Variants in FAM118A observed in about 807,000 individuals in gnomAD.
The protein encoded by FAM118A is protein FAM118A.
Under a neutral mutation model 38.2 loss-of-function variants are expected in FAM118A, and 25 were observed. The observed-to-expected ratio is 0.65, with a 90% CI of 0.48 to 0.91. FAM118A has a LOEUF of 0.91. Among genes scored for constraint, FAM118A ranks in the 40% least tolerant of loss-of-function variants. The pLI is 0.00. For missense variants in FAM118A, 425 were observed against 463.3 expected (o/e 0.92, Z 0.76); for synonymous variants, 178 against 184.1 (o/e 0.97, Z 0.27).
At chr22:45,324,772 C>T (rs774770345) in intron 3 of FAM118A, among the ~76,000 whole-genome samples, 1 of 152,140 alleles carries the variant, frequency 6.6e-6, no homozygotes, top group Admixed American at 6.5e-5. Flanking sequence ...GAGGCAGGGG[C>T]GCGGTGGCTC....
chr22:45,336,366 G>C lies in FAM118A; in HGVS notation c.1009G>C (p.Glu337Gln). The C allele has an allele frequency of 6.2e-7, 1 of 1,613,994 alleles. No individual in the cohort carries two copies. Among genetic ancestry groups the C allele is most frequent in the Non-Finnish European group, 8.5e-7 (1 of 1,179,862 alleles). The change falls in exon 8 of 9, where the codon GAG becomes CAG. Residue 337 changes from glutamate (E) to glutamine (Q), a missense_variant. By Grantham distance (29) the Glu-to-Gln change is conservative. Transcript: ENST00000441876. ...GGACTGTGCAAAGAGGAAGTTAGAA[G>C]AGAATGGAATTGAAGTTTCAAAAAA... ...CQDCAKRKLEENGIEVSKKRT... is the reference protein window; with the variant it reads ...CQDCAKRKLEQNGIEVSKKRT...
intron 3 of FAM118A, among the ~76,000 whole-genome samples, chr22:45,326,795 A>G (rs1052313685): frequency 1.4e-5 from 2 of 145,690 alleles, no homozygotes; most frequent in African/African-American, 5.2e-5. Flanking sequence ...ACTGCATTTC[A>G]TCCTGGGTGA....
chr22:45,314,698 C>T (rs2084528377), intron 1 of FAM118A, among the ~76,000 whole-genome samples: 1 of 152,202 alleles, frequency 6.6e-6, no homozygotes, highest in African/African-American at 2.4e-5. Context: ...GGGGTAAAGG[C>T]AGGTGGGTCC....
chr22:45,316,909 G>C (rs2084632535), intron 1 of FAM118A, among the ~76,000 whole-genome samples: 1 of 152,176 alleles, frequency 6.6e-6, no homozygotes, highest in Admixed American at 6.5e-5. Context: ...TGAGCATTCG[G>C]AAACTTTGCC....
At chr22:45,314,883 G>A (rs184709093) in intron 1 of FAM118A, among the ~76,000 whole-genome samples, 2 of 152,352 alleles carry the variant, frequency 1.3e-5, no homozygotes, top group Admixed American at 1.3e-4. Flanking sequence ...ATTTCAAGCT[G>A]CACTGATGTT....
At chr22:45,330,285 C>T (rs1288580322) in intron 4 of FAM118A, among the ~76,000 whole-genome samples, 1 of 152,194 alleles carries the variant, frequency 6.6e-6, no homozygotes, top group African/African-American at 2.4e-5. Context: ...AAGTCTTGGC[C>T]TTGGCCTGAG....
chr22:45,320,726 G>C (rs886948794), intron 1 of FAM118A, among the ~76,000 whole-genome samples: 1 of 152,146 alleles, frequency 6.6e-6, no homozygotes, highest in Admixed American at 6.6e-5. Flanking sequence ...ATGTGAGCCA[G>C]CGTACTCTGC....
intron 8 of FAM118A, 126 bp from the exon 9 acceptor site, chr22:45,340,260 G>T: frequency 9.7e-7 from 1 of 1,031,868 alleles, no homozygotes. Context: ...CCATTGTGGA[G>T]GGGTTTTCAA....
intron 2 of FAM118A, among the ~76,000 whole-genome samples, 195 bp downstream of exon 2, chr22:45,322,621 C>T (rs373447289): frequency 6.6e-6 from 1 of 152,180 alleles, no homozygotes; most frequent in African/African-American, 2.4e-5. Context: ...GCTTTCTGCC[C>T]AGTCTCCAAA....
In FAM118A at chr22:45,327,889, G is replaced by C. The variant is rs1193258487; in HGVS notation, c.348G>C (p.Glu116Asp). 1.2e-6 allele frequency: 2 copies of C among 1,614,134 alleles called. No homozygotes were observed. Among genetic ancestry groups the C allele is most frequent in the Non-Finnish European group, 1.7e-6 (2 of 1,180,066 alleles). The change falls in exon 4 of 9, where the codon GAG becomes GAC. Residue 116 changes from glutamate to aspartate, a missense_variant. Transcript: ENST00000441876. ...GCTTCTTCCAGGACTGCCTGATGGA[G>C]GTGTTTGACGACCTGGAGCAGCACA... Reference protein sequence around the residue: ...KPSFFQDCLMEVFDDLEQHIR... With the variant: ...KPSFFQDCLMDVFDDLEQHIR...
At chr22:45,326,077 G>C (rs2146654816) in intron 3 of FAM118A, among the ~76,000 whole-genome samples, 1 of 152,240 alleles carries the variant, frequency 6.6e-6, no homozygotes, top group Admixed American at 6.5e-5. Flanking sequence ...CAGGCACAGA[G>C]GGCGAGGGGA....
intron 1 of FAM118A, among the ~76,000 whole-genome samples, chr22:45,315,208 G>A (rs2084552504): frequency 6.6e-6 from 1 of 152,180 alleles, no homozygotes; most frequent in Admixed American, 6.5e-5. Context: ...AAGCAGCTCT[G>A]TTTGGTGGGA....
chr22:45,328,587 A>C, intron 4 of FAM118A: 1 of 651,156 alleles, frequency 1.5e-6, no homozygotes, highest in Non-Finnish European at 2.8e-6. Context: ...AGCTATGATC[A>C]TGCCACTTAT....
chr22:45,339,987 C>T lies in FAM118A; in HGVS notation c.1055-399C>T, dbSNP rs371220244. 1.2e-4 allele frequency among the ~76,000 whole-genome samples: 18 copies of T among 152,362 alleles called. No individual in the cohort carries two copies. The South Asian group carries it at 3.7e-3, about 32-fold the overall frequency. On this transcript the variant is annotated intron_variant, in intron 8 of 8. Transcript: ENST00000441876. The stretch of plus-strand genomic sequence containing the variant: ...GCCTCTGTTGTACAGAAAGCCCTGG[C>T]CTGTCCTGCATGTGGGTGAGAGAAG...
At chr22:45,329,253 G>A (rs934219721) in intron 4 of FAM118A, 4 of 152,190 alleles carry the variant, frequency 2.6e-5, no homozygotes, top group African/African-American at 9.7e-5. Context: ...AGAGTTTTAT[G>A]GTCAAAAGGT....
At chr22:45,318,211 T>C (rs1403267236) in intron 1 of FAM118A, among the ~76,000 whole-genome samples, 1 of 152,206 alleles carries the variant, frequency 6.6e-6, no homozygotes, top group Non-Finnish European at 1.5e-5. Flanking sequence ...AGCATCCTGG[T>C]AAGAGTTTGG....
intron 8 of FAM118A, chr22:45,337,924 C>T (rs1394324810): frequency 3.8e-5 from 37 of 984,180 alleles, no homozygotes; most frequent in Non-Finnish European, 4.5e-5. Flanking sequence ...GACCAGGTTT[C>T]CTATGAAGAG....
intron 4 of FAM118A, chr22:45,329,414 C>T (rs760404743): frequency 1.3e-5 from 2 of 152,190 alleles, no homozygotes; most frequent in Non-Finnish European, 2.9e-5. Context: ...TGAAATACAC[C>T]TTGTCCATTT....
chr22:45,340,662 G>A lies in FAM118A; in HGVS notation c.*257G>A. The A allele has an allele frequency of 1.9e-6, 1 of 539,366 alleles. No individual in the cohort carries two copies. The highest frequency in any genetic ancestry group is 1.9e-5 in the African/African-American group (1 of 53,042). 33.4% of individuals were successfully genotyped at this position (539,366 alleles called of 1,614,324 possible). A position where few individuals can be genotyped will look rare whatever the true frequency, so the allele number is the denominator to read the frequency against. ...TGATGGATAGCTACCTCAGGGACCAGAATCCGTGGGAAGGGATGGACCTGG... is the reference window on the plus strand; with the variant it reads ...TGATGGATAGCTACCTCAGGGACCAAAATCCGTGGGAAGGGATGGACCTGG... On this transcript the variant is annotated 3_prime_UTR_variant, in exon 9 of 9. Transcript: ENST00000441876.
Sources: gnomAD v4.1 joint callset for allele counts (sites outside exome capture counted in the v4.1 genomes callset) on GRCh38, gnomAD v4.1.1 for gene constraint, MANE v1.5 for transcripts, NCBI Gene and HGNC (gene_info 2026-07-23, HGNC 2026-07-21) for gene names.